The following ADGRL2 variants were observed in gnomAD, a reference collection of about 807,000 sequenced individuals.
The protein encoded by ADGRL2 is adhesion G protein-coupled receptor L2, also known as calcium-independent alpha-latrotoxin receptor 2.
In ADGRL2, 44 loss-of-function variants were observed where a neutral mutation model predicts 157.4. The observed-to-expected ratio is 0.28, with a 90% confidence interval of 0.22 to 0.36. The LOEUF (loss-of-function observed/expected upper bound fraction) is 0.36, where lower values mean the gene tolerates loss of function less well. Ranked by LOEUF, ADGRL2 falls within the 10% of genes least tolerant of loss-of-function variation. ADGRL2 has a pLI of 1.00. For missense variants in ADGRL2, 1,510 were observed against 1,768.9 expected, an observed-to-expected ratio of 0.85 and a Z score of 2.63; for synonymous variants, 585 against 624.7, an observed-to-expected ratio of 0.94 and a Z score of 0.95.
intron 2 of ADGRL2, among the ~76,000 whole-genome samples, chr1:81,840,881 G>A (rs752095454): frequency 4.6e-5 from 7 of 151,876 alleles, no homozygotes; most frequent in Admixed American, 4.6e-4. Flanking sequence ...CAGTTTTATC[G>A]AGAGACTGGT....
chr1:81,315,218 T>TA (rs372005699), intron 1 of ADGRL2, among the ~76,000 whole-genome samples: 1 of 152,064 alleles, frequency 6.6e-6, no homozygotes, highest in African/African-American at 2.4e-5. Flanking sequence ...CACAATTCGA[T>TA]AAAAAAATTG....
At chr1:81,634,629 G>T (rs2082080904) in intron 3 of ADGRL2, among the ~76,000 whole-genome samples, 1 of 151,514 alleles carries the variant, frequency 6.6e-6, no homozygotes, top group East Asian at 1.9e-4. Context: ...CTGCCTCCTG[G>T]GTTCCAGTCC....
intron 2 of ADGRL2, among the ~76,000 whole-genome samples, chr1:81,904,265 G>A (rs1396263802): frequency 6.6e-6 from 1 of 152,034 alleles, no homozygotes; most frequent in African/African-American, 2.4e-5. Flanking sequence ...AAGCACATTA[G>A]TAAAGATTAA....
chr1:81,955,979 G>T lies in ADGRL2; in HGVS notation c.1936G>T (p.Asp646Tyr). The T allele has an allele frequency of 6.2e-7, 1 of 1,611,102 alleles. No individual in the cohort carries two copies. Among genetic ancestry groups the T allele is most frequent in the Non-Finnish European group, 8.5e-7 (1 of 1,178,624 alleles). ...AGCACATACTGCAACAATGTTACTC[G>T]ATACATTGGAAGAAGGAGCTTTTGT... is the stretch of plus-strand genomic sequence containing the variant. ...EQAHTATMLL[D>Y]TLEEGAFVLA... Residue 646 changes from aspartate (D) to tyrosine (Y), a missense_variant, in exon 11 of 24, where the codon GAT becomes TAT. By Grantham distance (160) the Asp-to-Tyr change is radical. Around this residue, in one of 4 missense-constraint regions of ADGRL2, gnomAD observed 325 missense variants for 333.2 expected, o/e 0.98. Transcript: ENST00000686636.
chr1:81,671,344 A>G (rs1488831093), intron 3 of ADGRL2, among the ~76,000 whole-genome samples: 1 of 152,156 alleles, frequency 6.6e-6, no homozygotes, highest in Non-Finnish European at 1.5e-5. Flanking sequence ...GAGATTCATA[A>G]AGATTTTAAA....
intron 3 of ADGRL2, chr1:81,586,202 T>C (rs999504128): frequency 6.6e-6 from 1 of 152,036 alleles, no homozygotes; most frequent in Non-Finnish European, 1.5e-5. Flanking sequence ...TTGCTTAAGG[T>C]AGTTGACATC....
At chr1:81,683,952 G>C (rs1385250486) in intron 3 of ADGRL2, among the ~76,000 whole-genome samples, 1 of 152,004 alleles carries the variant, frequency 6.6e-6, no homozygotes, top group African/African-American at 2.4e-5. Flanking sequence ...GAGTAGCTTG[G>C]ATTACAGGCG....
At chr1:81,472,126 T>A (rs929574118) in intron 2 of ADGRL2, among the ~76,000 whole-genome samples, 1 of 152,156 alleles carries the variant, frequency 6.6e-6, no homozygotes, top group Non-Finnish European at 1.5e-5. Context: ...ACTTGAAAAA[T>A]AGGCAGAAAT....
At chr1:81,584,035 G>C (rs1261712853) in intron 3 of ADGRL2, among the ~76,000 whole-genome samples, 1 of 152,254 alleles carries the variant, frequency 6.6e-6, no homozygotes. Context: ...AAAATAGCCT[G>C]ATTTCTCTGA....
At chr1:81,949,208 T>C (rs1391216057) in intron 6 of ADGRL2, among the ~76,000 whole-genome samples, 1 of 152,192 alleles carries the variant, frequency 6.6e-6, no homozygotes, top group African/African-American at 2.4e-5. Context: ...GATACAACTT[T>C]CGTGTGATTT....
At chr1:81,769,212 C>T (rs2086257587) in intron 2 of ADGRL2, among the ~76,000 whole-genome samples, 1 of 151,968 alleles carries the variant, frequency 6.6e-6, no homozygotes, top group African/African-American at 2.4e-5. Flanking sequence ...TTTAAGGTGC[C>T]CTTTTATGAA....
chr1:81,879,726 T>C (rs540597086), intron 2 of ADGRL2, among the ~76,000 whole-genome samples: 214 of 152,216 alleles, frequency 1.4e-3, no homozygotes, highest in Admixed American at 3.8e-3. Context: ...AAATATGTTG[T>C]ATGGGCTTGG....
intron 3 of ADGRL2, among the ~76,000 whole-genome samples, chr1:81,647,501 C>T (rs972096860): frequency 1.3e-5 from 2 of 151,982 alleles, no homozygotes; most frequent in Admixed American, 6.6e-5. Context: ...ATTCAGTGTC[C>T]CCAGAGGAAA....
chr1:81,639,451 C>T (rs2082174930), intron 3 of ADGRL2, among the ~76,000 whole-genome samples: 1 of 144,586 alleles, frequency 6.9e-6, no homozygotes, highest in Non-Finnish European at 1.5e-5. Flanking sequence ...TGCCCATAAT[C>T]CTAACACTTT....
In ADGRL2 at chr1:81,990,899, TAG is replaced by T. The variant is rs1380789600; in HGVS notation, c.4168_4169del (p.Asp1390LeufsTer9). The T allele has an allele frequency of 6.2e-7, 1 of 1,613,922 alleles. No individual in the cohort carries two copies. Among genetic ancestry groups the T allele is most frequent in the African/African-American group, 1.3e-5 (1 of 74,892 alleles). On this transcript the variant is annotated frameshift_variant, in exon 24 of 24. Coordinates refer to ENST00000686636, the MANE Select transcript of ADGRL2 (RefSeq NM_001366006.2). LOFTEE classifies it high-confidence loss of function. ...DSLYTSMPNL[R>X]DSPYPESSPD... ...CTCTTTATACAAGCATGCCCAATCT[TAG>T]AGACTCTCCCTATCCGGAGAGCAGC... is the stretch of plus-strand genomic sequence containing the variant.
intron 1 of ADGRL2, among the ~76,000 whole-genome samples, chr1:81,358,492 T>G (rs2075909858): frequency 6.6e-6 from 1 of 152,152 alleles, no homozygotes; most frequent in African/African-American, 2.4e-5. Context: ...TAATCCCAAT[T>G]CAAAAACAGA....
chr1:81,761,626 GCTTAAT>G (rs2085885017), intron 1 of ADGRL2, among the ~76,000 whole-genome samples: 1 of 151,944 alleles, frequency 6.6e-6, no homozygotes. Context: ...CAAAACAAGT[GCTTAAT>G]CTTATGGTAG....
chr1:81,930,446 A>T (rs1050364527), intron 3 of ADGRL2, among the ~76,000 whole-genome samples: 1 of 152,198 alleles, frequency 6.6e-6, no homozygotes, highest in African/African-American at 2.4e-5. Flanking sequence ...AATACTGTGG[A>T]TGCCTTAAAA....
chr1:81,348,025 G>A (rs906724761), intron 1 of ADGRL2, among the ~76,000 whole-genome samples: 76 of 152,152 alleles, frequency 5.0e-4, no homozygotes, highest in African/African-American at 1.6e-3. Flanking sequence ...GGCCCAGAGG[G>A]CAAGGCTACT....
Sources: gnomAD v4.1 joint callset for allele counts (sites outside exome capture counted in the v4.1 genomes callset) on GRCh38, gnomAD v4.1.1 for gene constraint, gnomAD v4.1.1 regional missense constraint, MANE v1.5 for transcripts, NCBI Gene and HGNC (gene_info 2026-07-23, HGNC 2026-07-21) for gene names.